The following LRRC49 variants were observed in gnomAD, a reference collection of about 807,000 sequenced individuals.
The protein encoded by LRRC49 is leucine rich repeat containing 49.
Under a neutral mutation model 83.3 loss-of-function variants are expected in LRRC49, and 50 were observed. That is an observed-to-expected ratio of 0.60 (90% confidence interval 0.48 to 0.76). LRRC49 has a LOEUF of 0.76. Ranked by LOEUF, LRRC49 falls within the 30% of genes least tolerant of loss-of-function variation. The pLI, the probability that LRRC49 is intolerant of heterozygous loss-of-function variation, is 0.00. For missense variants in LRRC49, 704 were observed against 809.1 expected (o/e 0.87, Z 1.58); for synonymous variants, 286 against 283.3 (o/e 1.01, Z -0.10).
chr15:71,026,377 AC>A (rs1449878685), intron 14 of LRRC49, among the ~76,000 whole-genome samples: 1 of 152,180 alleles, frequency 6.6e-6, no homozygotes, highest in African/African-American at 2.4e-5. Context: ...CAATAAACAT[AC>A]ATGTGCATGT....
At chr15:71,025,271 G>A (rs1025747399) in intron 14 of LRRC49, among the ~76,000 whole-genome samples, 7 of 152,032 alleles carry the variant, frequency 4.6e-5, no homozygotes, top group Non-Finnish European at 8.8e-5. Context: ...TTGAAATGAA[G>A]GAAAAAATGT....
intron 7 of LRRC49, among the ~76,000 whole-genome samples, chr15:70,933,363 C>T (rs1307081465): frequency 1.3e-5 from 2 of 151,994 alleles, no homozygotes; most frequent in Non-Finnish European, 2.9e-5. Context: ...TTTTTTCCCT[C>T]TCATCTTAGG....
intron 1 of LRRC49, among the ~76,000 whole-genome samples, chr15:70,870,483 T>TTTTTG (rs199947721): frequency 0.013 from 1,976 of 152,214 alleles, 28 homozygotes; most frequent in Admixed American, 0.019. Context: ...TAGGTAATTG[T>TTTTTG]TTTTGTTTTG....
At chr15:70,940,267 T>G (rs2141163550) in intron 8 of LRRC49, among the ~76,000 whole-genome samples, 1 of 148,932 alleles carries the variant, frequency 6.7e-6, no homozygotes, top group East Asian at 2.0e-4. Context: ...TTTTTTTTTT[T>G]TTTTTTTGAG....
rs1194943734 is a variant in LRRC49 at position 71,037,116 on chromosome 15, A to G, written c.1704-63A>G. On this transcript the variant is annotated intron_variant, in intron 14 of 15. Coordinates refer to ENST00000260382, the MANE Select transcript of LRRC49 (RefSeq NM_017691.5). ...ATGTTCTCCTCTAAAGTCAACAAAA[A>G]ATAGACATGTTTTAGTAAGTCTGAT... 8.5e-6 allele frequency: 10 copies of G among 1,172,650 alleles called. No individual in the cohort carries two copies. The East Asian group carries it at 2.1e-4, about 25-fold the overall frequency. 72.6% of individuals were successfully genotyped at this position (1,172,650 alleles called of 1,614,324 possible).
At chr15:70,911,473 T>G in intron 5 of LRRC49, 59 bp from the exon 6 acceptor site, 1 of 954,228 alleles carries the variant, frequency 1.0e-6, no homozygotes, top group Non-Finnish European at 1.7e-6. Flanking sequence ...TTAGCATACT[T>G]TGATTTACAG....
intron 11 of LRRC49, among the ~76,000 whole-genome samples, chr15:70,993,386 G>C (rs2037962947): frequency 6.6e-6 from 1 of 152,140 alleles, no homozygotes; most frequent in African/African-American, 2.4e-5. Context: ...TGCACTCACT[G>C]TCCTGCACCC....
At chr15:71,038,365 T>C (rs1160867130) in intron 15 of LRRC49, among the ~76,000 whole-genome samples, 7 of 152,140 alleles carry the variant, frequency 4.6e-5, no homozygotes, top group Admixed American at 2.0e-4. Flanking sequence ...AACCACCGTA[T>C]TATAGCTGAA....
chr15:71,019,919 A>G (rs2038943016), intron 14 of LRRC49, among the ~76,000 whole-genome samples: 1 of 152,218 alleles, frequency 6.6e-6, no homozygotes, highest in Admixed American at 6.5e-5. Context: ...ATGAAAAAAT[A>G]AATAACCAGT....
At chr15:71,021,196 G>A (rs1211465670) in intron 14 of LRRC49, among the ~76,000 whole-genome samples, 1 of 152,170 alleles carries the variant, frequency 6.6e-6, no homozygotes, top group Non-Finnish European at 1.5e-5. Context: ...AACATTTTGT[G>A]GGGTTTAAAA....
At chr15:71,000,842 T>C (rs527511888) in intron 11 of LRRC49, among the ~76,000 whole-genome samples, 51 of 152,290 alleles carry the variant, frequency 3.3e-4, no homozygotes, top group African/African-American at 1.2e-3. Context: ...GCCTTTGATT[T>C]TTTTCTTGTA....
chr15:70,948,064 C>A (rs1249275615), intron 8 of LRRC49, among the ~76,000 whole-genome samples: 1 of 152,036 alleles, frequency 6.6e-6, no homozygotes, highest in African/African-American at 2.4e-5. Context: ...CTAGCTAACT[C>A]CTTTACTTTG....
intron 15 of LRRC49, 83 bp downstream of exon 15, chr15:71,037,415 T>G: frequency 8.8e-7 from 1 of 1,137,468 alleles, no homozygotes; most frequent in East Asian, 2.5e-5. Flanking sequence ...CATTTTACCC[T>G]TAGTTAAGAT....
rs531525958 is a variant in LRRC49 at position 70,893,034 on chromosome 15, C to G, written c.48+92C>G. On this transcript the variant is annotated intron_variant, in intron 1 of 15. Coordinates refer to ENST00000260382, the MANE Select transcript of LRRC49 (RefSeq NM_017691.5). ...AGGAGATGGGCTGTATTATTAGGAC[C>G]GGCACCGCTGGGTCTACTCAAGCTA... 4 of 1,397,414 alleles carry G rather than the reference C, an allele frequency of 2.9e-6. No individual in the cohort carries two copies. In the South Asian group the frequency reaches 3.5e-5, roughly 12 times the overall value. The allele number at this position is 1,397,414 out of a possible 1,614,324, so 86.6% of individuals were successfully genotyped here.
chr15:70,930,171 A>G (rs1430422119), intron 7 of LRRC49, among the ~76,000 whole-genome samples: 1 of 152,208 alleles, frequency 6.6e-6, no homozygotes, highest in Non-Finnish European at 1.5e-5. Context: ...TATATCTTAA[A>G]TAATAATCCT....
intron 9 of LRRC49, among the ~76,000 whole-genome samples, chr15:70,970,402 G>A (rs1466656457): frequency 2.0e-5 from 3 of 152,110 alleles, no homozygotes; most frequent in African/African-American, 7.2e-5. Flanking sequence ...GAGGATTTTC[G>A]CATTGATGTT....
upstream of LRRC49, chr15:70,892,177 G>A: frequency 3.7e-6 from 6 of 1,611,176 alleles, no homozygotes; most frequent in South Asian, 6.6e-5. Flanking sequence ...AGCGGTCCCA[G>A]AGCAGCCGCA....
Position 71,049,722 on chromosome 15 carries a change from A to T in LRRC49, c.*110A>T, listed in dbSNP as rs994695237. 4 of 691,004 alleles carry T rather than the reference A, an allele frequency of 5.8e-6. No individual in the cohort carries two copies. The African/African-American group carries it at 7.2e-5, about 12-fold the overall frequency. The allele number at this position is 691,004 out of a possible 1,614,324, so 42.8% of individuals were successfully genotyped here. On this transcript the variant is annotated 3_prime_UTR_variant, in exon 16 of 16. Coordinates refer to ENST00000260382, the MANE Select transcript of LRRC49 (RefSeq NM_017691.5). The stretch of plus-strand genomic sequence containing the variant: ...CAACACTATCCTATAAACTAGAAAG[A>T]CTAGTATAAAAGCATTATTGCCCAC...
chr15:70,903,848 CT>C (rs1423552202), intron 4 of LRRC49, among the ~76,000 whole-genome samples: 9 of 152,054 alleles, frequency 5.9e-5, no homozygotes, highest in Non-Finnish European at 2.9e-5. Context: ...ATAATAGAGG[CT>C]TACTGTTTTA....
Sources: gnomAD v4.1 joint callset for allele counts (sites outside exome capture counted in the v4.1 genomes callset) on GRCh38, gnomAD v4.1.1 for gene constraint, MANE v1.5 for transcripts, NCBI Gene and HGNC (gene_info 2026-07-23, HGNC 2026-07-21) for gene names.